Variants in PDLIM5 observed in about 807,000 individuals in gnomAD.
PDLIM5 encodes PDZ and LIM domain protein 5.
In PDLIM5, 34 loss-of-function variants were observed where a neutral mutation model predicts 64.2. The observed-to-expected ratio is 0.53, with a 90% confidence interval of 0.40 to 0.71. PDLIM5 has a LOEUF of 0.71. Among genes scored for constraint, PDLIM5 ranks in the 30% least tolerant of loss-of-function variants. The pLI, the probability that PDLIM5 is intolerant of heterozygous loss-of-function variation, is 0.00. For missense variants in PDLIM5, 683 were observed against 733.6 expected (o/e 0.93, Z 0.80); for synonymous variants, 253 against 269.1 (o/e 0.94, Z 0.59).
At chr4:94,456,532 A>AT (rs1289790323) in intron 2 of PDLIM5, 2 of 717,454 alleles carry the variant, frequency 2.8e-6, no homozygotes, top group Middle Eastern at 2.4e-4. Flanking sequence ...TTTTGCAACA[A>AT]TTTACCCTGA....
chr4:94,550,301 T>G (rs1166769796), intron 3 of PDLIM5, among the ~76,000 whole-genome samples: 1 of 152,192 alleles, frequency 6.6e-6, no homozygotes, highest in African/African-American at 2.4e-5. Flanking sequence ...TTAGGACATT[T>G]CTGAAAGATT....
At chr4:94,629,780 T>C (rs1200802337) in intron 8 of PDLIM5, among the ~76,000 whole-genome samples, 1 of 152,212 alleles carries the variant, frequency 6.6e-6, no homozygotes, top group Non-Finnish European at 1.5e-5. Flanking sequence ...AGAGAAATGG[T>C]AATAGTTTAA....
intron 3 of PDLIM5, among the ~76,000 whole-genome samples, chr4:94,540,285 T>A (rs1731689054): frequency 6.6e-6 from 1 of 152,028 alleles, no homozygotes; most frequent in African/African-American, 2.4e-5. Context: ...GCCCGGCTAA[T>A]TTTTTTGAAT....
At chr4:94,511,598 A>AAC (rs58356643) in intron 2 of PDLIM5, among the ~76,000 whole-genome samples, 294 of 149,564 alleles carry the variant, frequency 2.0e-3, no homozygotes, top group South Asian at 5.6e-3. Flanking sequence ...CATCCCCCCC[A>AAC]ACACACACAC....
chr4:94,602,176 T>C (rs191124668), intron 7 of PDLIM5, among the ~76,000 whole-genome samples: 25 of 152,346 alleles, frequency 1.6e-4, no homozygotes, highest in African/African-American at 4.6e-4. Context: ...TTTCCTCTTA[T>C]TGAAAACTCG....
At chr4:94,637,082 G>A (rs1740633681) in intron 8 of PDLIM5, among the ~76,000 whole-genome samples, 1 of 152,058 alleles carries the variant, frequency 6.6e-6, no homozygotes, top group Non-Finnish European at 1.5e-5. Context: ...CATGTTCAAG[G>A]GATAGTGAAT....
intron 7 of PDLIM5, chr4:94,586,968 T>C (rs1216067484): frequency 6.6e-7 from 1 of 1,520,716 alleles, no homozygotes; most frequent in South Asian, 1.3e-5. Context: ...TTTTTTTTTT[T>C]TTTTTTTTGT....
intron 7 of PDLIM5, chr4:94,587,772 T>C (rs1381262829): frequency 1.0e-6 from 1 of 959,368 alleles, no homozygotes; most frequent in Non-Finnish European, 1.2e-6. Flanking sequence ...GCAAATCCTA[T>C]TTCCTATCAA....
intron 2 of PDLIM5, among the ~76,000 whole-genome samples, chr4:94,521,767 C>A (rs1038971190): frequency 2.6e-5 from 4 of 151,822 alleles, no homozygotes; most frequent in Non-Finnish European, 5.9e-5. Flanking sequence ...AGAACAAATG[C>A]CCATAGATTT....
Position 94,618,038 on chromosome 4 carries a change from T to C in PDLIM5, c.955T>C (p.Ser319Pro). 3 of 1,593,758 alleles carry C rather than the reference T, an allele frequency of 1.9e-6. No homozygotes were observed. Among genetic ancestry groups the C allele is most frequent in the Middle Eastern group, 1.7e-4 (1 of 5,982 alleles). ...GGAGCCTTCTCCGCAGTTGGCTTCCTCGGTAGCTTCCACACGGAGCATGCC... is the reference window on the plus strand; with the variant it reads ...GGAGCCTTCTCCGCAGTTGGCTTCCCCGGTAGCTTCCACACGGAGCATGCC... The part of the protein sequence containing the change: ...SQEPSPQLAS[S>P]VASTRSMPES... The change falls in exon 8 of 13, where the codon TCG becomes CCG. Residue 319 changes from serine to proline, a missense_variant. By Grantham distance (74) the Ser-to-Pro change is moderately conservative (BLOSUM62 -1). Coordinates refer to ENST00000317968, the MANE Select transcript of PDLIM5 (RefSeq NM_006457.5).
Position 94,640,316 on chromosome 4 carries a change from A to G in PDLIM5, c.1149A>G (p.Ser383=). Residue 383 remains serine, a synonymous_variant, in exon 9 of 13, where the codon TCA becomes TCG. Coordinates refer to ENST00000317968, the MANE Select transcript of PDLIM5 (RefSeq NM_006457.5). ...GAATCTCAAACAGCGCTACTTACTC[A>G]GGATCAGTGGCACCAGCCAACTCAG... The part of the protein sequence containing the change: ...TGRISNSATY[S]GSVAPANSAL... 2 of 1,611,276 alleles carry G rather than the reference A, an allele frequency of 1.2e-6. No homozygotes were observed. The highest frequency in any genetic ancestry group is 1.7e-6 in the Non-Finnish European group (2 of 1,177,620).
intron 9 of PDLIM5, among the ~76,000 whole-genome samples, chr4:94,646,466 T>C (rs1371716474): frequency 1.3e-5 from 2 of 152,230 alleles, no homozygotes; most frequent in African/African-American, 4.8e-5. Flanking sequence ...AAATTCTTGT[T>C]GTTGAAGCCA....
chr4:94,490,844 G>A (rs1475816388), intron 2 of PDLIM5, among the ~76,000 whole-genome samples: 1 of 151,970 alleles, frequency 6.6e-6, no homozygotes, highest in African/African-American at 2.4e-5. Context: ...AATTAATTTG[G>A]GTTTACCCAG....
intron 2 of PDLIM5, among the ~76,000 whole-genome samples, chr4:94,464,746 A>G (rs966203493): frequency 3.3e-5 from 5 of 152,134 alleles, no homozygotes; most frequent in Admixed American, 2.6e-4. Flanking sequence ...TGATCTTTTT[A>G]GGGTAGACGT....
chr4:94,552,845 G>A (rs1042236347), intron 3 of PDLIM5, among the ~76,000 whole-genome samples: 1 of 151,936 alleles, frequency 6.6e-6, no homozygotes, highest in Non-Finnish European at 1.5e-5. Context: ...TGCACATCAG[G>A]GTAACATCAG....
intron 8 of PDLIM5, among the ~76,000 whole-genome samples, chr4:94,622,906 TG>T (rs1376797950): frequency 6.6e-6 from 1 of 152,072 alleles, no homozygotes; most frequent in Non-Finnish European, 1.5e-5. Context: ...CCTGACCTCG[TG>T]ACCCACCCAC....
intron 7 of PDLIM5, among the ~76,000 whole-genome samples, chr4:94,594,424 A>G (rs1281224624): frequency 2.0e-5 from 3 of 152,120 alleles, no homozygotes; most frequent in Non-Finnish European, 4.4e-5. Context: ...TTTATCATTA[A>G]TAAGGAAATG....
intron 7 of PDLIM5, among the ~76,000 whole-genome samples, chr4:94,600,837 G>C (rs1737431948): frequency 6.6e-6 from 1 of 152,078 alleles, no homozygotes; most frequent in Non-Finnish European, 1.5e-5. Flanking sequence ...TTTGCATTTT[G>C]TATAGATAAA....
intron 3 of PDLIM5, among the ~76,000 whole-genome samples, chr4:94,545,147 T>A (rs906938089): frequency 5.9e-5 from 9 of 152,218 alleles, no homozygotes; most frequent in African/African-American, 2.2e-4. Flanking sequence ...ATTTGATAGT[T>A]TGCCTAAATT....
Sources: allele counts gnomAD v4.1 joint callset (sites outside exome capture counted in the v4.1 genomes callset), GRCh38; gene constraint gnomAD v4.1.1; transcripts MANE v1.5; gene names NCBI Gene and HGNC (gene_info 2026-07-23, HGNC 2026-07-21).